OR1J2: variants seen among roughly 807,000 people sequenced by gnomAD.
OR1J2 encodes the protein olfactory receptor 1J2.
For synonymous variants in OR1J2, 142 were observed against 99.7 expected (o/e 1.42, Z -2.52); for missense variants, 304 against 246.1 (o/e 1.24, Z -1.57).
chr9:122,484,989 C>T, the OR1J2 span, among the ~76,000 whole-genome samples: 6 of 152,076 alleles, frequency 3.9e-5, no homozygotes, highest in Non-Finnish European at 8.8e-5. Flanking sequence ...TGAGATTCTG[C>T]CACTGCACTC....
At chr9:122,553,253 C>T in the OR1J2 span, 4 of 1,613,754 alleles carry the variant, frequency 2.5e-6, no homozygotes, top group East Asian at 6.7e-5. Context: ...CTGTTTCAGA[C>T]TTCCTCCTTC....
the OR1J2 span, among the ~76,000 whole-genome samples, chr9:122,448,039 T>G: frequency 2.6e-5 from 4 of 152,138 alleles, no homozygotes; most frequent in Non-Finnish European, 5.9e-5. Flanking sequence ...ACAGTGGGCC[T>G]AGGGAACTGG....
chr9:122,452,794 C>T, the OR1J2 span, among the ~76,000 whole-genome samples: 8 of 151,748 alleles, frequency 5.3e-5, no homozygotes, highest in Non-Finnish European at 1.0e-4. Flanking sequence ...TTTGGGAGGC[C>T]GAAGCTGGCG....
the OR1J2 span, among the ~76,000 whole-genome samples, chr9:122,552,006 C>T: frequency 7.1e-6 from 1 of 141,366 alleles, no homozygotes; most frequent in Non-Finnish European, 1.6e-5. Flanking sequence ...CATAATCTGA[C>T]AGGTGAGGAT....
At chr9:122,534,684 G>A in the OR1J2 span, among the ~76,000 whole-genome samples, 6 of 152,086 alleles carry the variant, frequency 3.9e-5, no homozygotes, top group Admixed American at 3.9e-4. Flanking sequence ...GGTCAGATGG[G>A]TCTGTAGAAA....
chr9:122,563,912 G>A, the OR1J2 span, among the ~76,000 whole-genome samples: 1 of 152,308 alleles, frequency 6.6e-6, no homozygotes, highest in South Asian at 2.1e-4. Context: ...TCAAAAATCA[G>A]TTGGCTATAG....
chr9:122,539,625 T>A, the OR1J2 span, among the ~76,000 whole-genome samples: 1 of 152,222 alleles, frequency 6.6e-6, no homozygotes, highest in Non-Finnish European at 1.5e-5. Context: ...TTTGGGTATA[T>A]ACCCAGTAAT....
the OR1J2 span, chr9:122,520,089 C>T: frequency 5.0e-6 from 8 of 1,595,938 alleles, 1 homozygote; most frequent in Middle Eastern, 5.0e-4. Context: ...ATGACATTTA[C>T]TCTTCTTTAT....
At chr9:122,526,608 C>G in the OR1J2 span, 1 of 1,614,116 alleles carries the variant, frequency 6.2e-7, no homozygotes. Context: ...CACCCCACCA[C>G]GGGTTCGGAC....
the OR1J2 span, among the ~76,000 whole-genome samples, chr9:122,552,703 C>T: frequency 1.3e-5 from 2 of 149,734 alleles, no homozygotes; most frequent in Admixed American, 1.3e-4. Flanking sequence ...GGGGAGGAAG[C>T]TATCTTGTCT....
chr9:122,469,682 G>A, the OR1J2 span, among the ~76,000 whole-genome samples: 6 of 152,192 alleles, frequency 3.9e-5, no homozygotes, highest in African/African-American at 9.6e-5. Context: ...GGAAAGTTTG[G>A]AACTCCCTAG....
chr9:122,547,538 C>T, the OR1J2 span, among the ~76,000 whole-genome samples: 1 of 152,014 alleles, frequency 6.6e-6, no homozygotes, highest in African/African-American at 2.4e-5. Context: ...CTCCCACCTT[C>T]CCATCCTCCT....
At chr9:122,497,209 G>A in the OR1J2 span, among the ~76,000 whole-genome samples, 5 of 152,172 alleles carry the variant, frequency 3.3e-5, no homozygotes, top group South Asian at 1.0e-3. Flanking sequence ...CAAAGGGTCT[G>A]TGGATTCTCT....
chr9:122,477,432 C>A, the OR1J2 span: 3 of 1,613,954 alleles, frequency 1.9e-6, no homozygotes, highest in Admixed American at 5.0e-5. Context: ...AGAAGGAAAG[C>A]TGGGCCAGGA....
At chr9:122,490,088 A>G in the OR1J2 span, among the ~76,000 whole-genome samples, 1 of 152,250 alleles carries the variant, frequency 6.6e-6, no homozygotes, top group African/African-American at 2.4e-5. Flanking sequence ...CAGTGCTACT[A>G]TCATTAAGAG....
At chr9:122,543,493 G>C in the OR1J2 span, among the ~76,000 whole-genome samples, 1 of 152,216 alleles carries the variant, frequency 6.6e-6, no homozygotes. Flanking sequence ...GTGAGCCACT[G>C]TGCCTGGCCC....
the OR1J2 span, among the ~76,000 whole-genome samples, chr9:122,578,011 A>C: frequency 6.6e-6 from 1 of 152,354 alleles, no homozygotes; most frequent in African/African-American, 2.4e-5. Context: ...TGTGGTGAAA[A>C]GGAAAACACT....
the OR1J2 span, among the ~76,000 whole-genome samples, chr9:122,574,666 C>A: frequency 6.6e-6 from 1 of 152,178 alleles, no homozygotes; most frequent in East Asian, 1.9e-4. Context: ...TCCTTCAAAT[C>A]TGTATATCTT....
At chr9:122,483,870 T>C in the OR1J2 span, among the ~76,000 whole-genome samples, 27 of 152,326 alleles carry the variant, frequency 1.8e-4, no homozygotes, top group African/African-American at 6.5e-4. Context: ...TAAAAAATGT[T>C]ATTAGTTGAA....
Sources: gnomAD v4.1 joint callset for allele counts (sites outside exome capture counted in the v4.1 genomes callset) on GRCh38, gnomAD v4.1.1 for gene constraint, MANE v1.5 for transcripts, NCBI Gene and HGNC (gene_info 2026-07-23, HGNC 2026-07-21) for gene names.